PDS5A: variants seen among roughly 807,000 people sequenced by gnomAD.
PDS5A encodes the protein PDS5 cohesin associated factor A.
A neutral mutation model predicts 167.1 loss-of-function variants in PDS5A; 42 were observed. The observed-to-expected ratio is 0.25, with a 90% CI of 0.20 to 0.33. The LOEUF (loss-of-function observed/expected upper bound fraction) is 0.33. PDS5A is among the 10% of genes least tolerant of loss of function. PDS5A has a pLI of 1.00. For synonymous variants in PDS5A, 553 were observed against 554.6 expected, an observed-to-expected ratio of 1.00 and a Z score of 0.04; for missense variants, 1,033 against 1,605.9, an observed-to-expected ratio of 0.64 and a Z score of 6.10.
chr4:39,945,695 T>A (rs886620129), intron 2 of PDS5A, among the ~76,000 whole-genome samples: 1 of 151,996 alleles, frequency 6.6e-6, no homozygotes, highest in Non-Finnish European at 1.5e-5. Flanking sequence ...AGATGAAGAC[T>A]ACAGTAGAAA....
chr4:39,887,374 G>A (rs1445110652), intron 17 of PDS5A, among the ~76,000 whole-genome samples: 2 of 151,850 alleles, frequency 1.3e-5, no homozygotes, highest in Non-Finnish European at 2.9e-5. Flanking sequence ...ATGACTATAC[G>A]GTTTTTATTC....
At chr4:39,946,227 G>GAA (rs139919030) in intron 2 of PDS5A, among the ~76,000 whole-genome samples, 1 of 142,072 alleles carries the variant, frequency 7.0e-6, no homozygotes, top group Non-Finnish European at 1.5e-5. Flanking sequence ...AAAAAAGAAA[G>GAA]AAAAAAAAAG....
intron 32 of PDS5A, among the ~76,000 whole-genome samples, chr4:39,826,662 T>G (rs1387143152): frequency 1.3e-5 from 2 of 151,846 alleles, no homozygotes; most frequent in African/African-American, 4.8e-5. Flanking sequence ...ATTTTTTGTA[T>G]TTTTAGTAGA....
intron 2 of PDS5A, among the ~76,000 whole-genome samples, chr4:39,968,316 C>T (rs2109820817): frequency 6.7e-6 from 1 of 149,534 alleles, no homozygotes; most frequent in Admixed American, 6.7e-5. Context: ...TCAGAACCCA[C>T]AACTATATGG....
chr4:39,860,903 C>T (rs1718929802), intron 26 of PDS5A, among the ~76,000 whole-genome samples: 1 of 151,812 alleles, frequency 6.6e-6, no homozygotes, highest in Admixed American at 6.6e-5. Flanking sequence ...GACCCCATCT[C>T]TACAAAAAAT....
At chr4:39,856,271 T>C (rs1718518259) in intron 26 of PDS5A, among the ~76,000 whole-genome samples, 1 of 152,186 alleles carries the variant, frequency 6.6e-6, no homozygotes, top group South Asian at 2.1e-4. Flanking sequence ...AGATTTGTCT[T>C]TGTCCAAGAA....
In PDS5A at chr4:39,878,293, T is replaced by C. The variant is rs572930615; in HGVS notation, c.1993-1140A>G. On this transcript the variant is annotated intron_variant, in intron 18 of 32. Coordinates refer to ENST00000303538, the MANE Select transcript of PDS5A (RefSeq NM_001100399.2). ...AAATTGGAGAATTAAATTAGAAAAA[T>C]GTAATAAAAAGCAATCTACTGGCCG... is the stretch of plus-strand genomic sequence containing the variant. Among the ~76,000 whole-genome samples the C allele has an allele frequency of 7.8e-4, 118 of 152,100 alleles. 1 individual carries two copies. Among genetic ancestry groups the C allele is most frequent in the African/African-American group, 2.6e-3 (106 of 41,504 alleles).
chr4:39,936,484 G>C (rs75767193), intron 2 of PDS5A, among the ~76,000 whole-genome samples: 10,852 of 152,158 alleles, frequency 0.071, 489 homozygotes, highest in Non-Finnish European at 0.1. Context: ...ACCCAGGCTG[G>C]AGTGCAGTGG....
chr4:39,890,919 T>C (rs143219128), intron 16 of PDS5A, among the ~76,000 whole-genome samples: 72 of 152,156 alleles, frequency 4.7e-4, no homozygotes, highest in African/African-American at 1.6e-3. Flanking sequence ...ACACCTGGAC[T>C]ATGGCAACCT....
chr4:39,834,695 C>T (rs1716229943), intron 32 of PDS5A, among the ~76,000 whole-genome samples: 1 of 152,190 alleles, frequency 6.6e-6, no homozygotes, highest in African/African-American at 2.4e-5. Flanking sequence ...CAAAAAGTGT[C>T]TTGAAGTTGA....
At chr4:39,853,917 C>A (rs754844463) in intron 26 of PDS5A, among the ~76,000 whole-genome samples, 1 of 152,206 alleles carries the variant, frequency 6.6e-6, no homozygotes, top group Non-Finnish European at 1.5e-5. Flanking sequence ...ATTTTTCCAA[C>A]CAGTAAGCAA....
At chr4:39,866,364 G>A (rs1261106922) in intron 23 of PDS5A, among the ~76,000 whole-genome samples, 2 of 152,106 alleles carry the variant, frequency 1.3e-5, no homozygotes, top group African/African-American at 4.8e-5. Flanking sequence ...TGATCTGCCC[G>A]TCTCGGCCTC....
At chr4:39,834,273 G>C (rs1716188767) in intron 32 of PDS5A, among the ~76,000 whole-genome samples, 1 of 152,048 alleles carries the variant, frequency 6.6e-6, no homozygotes, top group South Asian at 2.1e-4. Flanking sequence ...TAAAGGTCAT[G>C]GCAATAGTTT....
intron 18 of PDS5A, 50 bp downstream of exon 18, chr4:39,879,678 A>T: frequency 8.9e-7 from 1 of 1,117,340 alleles, no homozygotes. Flanking sequence ...AAGGGAAGGC[A>T]AATTATGACC....
intron 6 of PDS5A, among the ~76,000 whole-genome samples, chr4:39,921,210 C>T (rs527704050): frequency 3.9e-5 from 6 of 152,120 alleles, no homozygotes; most frequent in Non-Finnish European, 8.8e-5. Context: ...AACTACACAA[C>T]TCTGCTGTTG....
At chr4:39,902,913 T>C (rs189672792) in intron 12 of PDS5A, among the ~76,000 whole-genome samples, 2 of 152,364 alleles carry the variant, frequency 1.3e-5, no homozygotes, top group Admixed American at 1.3e-4. Flanking sequence ...TATCAGTTTA[T>C]AATGACTTCC....
At chr4:39,965,119 CAGTACTTTCTTTTAACCAATAG>C (rs1220646175) in intron 2 of PDS5A, among the ~76,000 whole-genome samples, 1 of 152,102 alleles carries the variant, frequency 6.6e-6, no homozygotes, top group Non-Finnish European at 1.5e-5. Context: ...GTTATGACAA[CAGTACTTTCTTTTAACCAATAG>C]AGTAAGGTAG....
intron 21 of PDS5A, 107 bp downstream of exon 21, chr4:39,872,876 GAAT>G (rs1720169133): frequency 3.7e-6 from 2 of 544,836 alleles, no homozygotes; most frequent in East Asian, 3.2e-5. Context: ...AACCAATATA[GAAT>G]AATTTAAAAG....
intron 32 of PDS5A, among the ~76,000 whole-genome samples, chr4:39,836,436 ATTTT>A (rs945671371): frequency 1.3e-5 from 2 of 151,812 alleles, no homozygotes; most frequent in Non-Finnish European, 2.9e-5. Context: ...GTAAATGCTA[ATTTT>A]TTTGTTTTTT....
Sources: allele counts gnomAD v4.1 joint callset (sites outside exome capture counted in the v4.1 genomes callset), GRCh38; gene constraint gnomAD v4.1.1; transcripts MANE v1.5; gene names NCBI Gene and HGNC (gene_info 2026-07-23, HGNC 2026-07-21).